PPP6R2: variants seen among roughly 807,000 people sequenced by gnomAD.
PPP6R2 encodes protein phosphatase 6 regulatory subunit 2.
PPP6R2 carries 62 observed loss-of-function variants against 100.2 expected under a neutral mutation model. That is an observed-to-expected ratio of 0.62 (90% confidence interval 0.50 to 0.76). The LOEUF (loss-of-function observed/expected upper bound fraction) is 0.76, where lower values mean the gene tolerates loss of function less well. Ranked by LOEUF, PPP6R2 falls within the 30% of genes least tolerant of loss-of-function variation. The pLI is 0.00. For missense variants in PPP6R2, 1,142 were observed against 1,276.3 expected (o/e 0.89, Z 1.60); for synonymous variants, 525 against 514.7 (o/e 1.02, Z -0.27).
chr22:50,341,259 G>T (rs370298570), upstream of PPP6R2, among the ~76,000 whole-genome samples: 1 of 151,826 alleles, frequency 6.6e-6, no homozygotes, highest in African/African-American at 2.4e-5. Flanking sequence ...GGGCTGGAAT[G>T]AAGTGGCAAC....
intron 1 of PPP6R2, among the ~76,000 whole-genome samples, chr22:50,349,223 G>T (rs1471959774): frequency 6.6e-6 from 1 of 150,684 alleles, no homozygotes; most frequent in Non-Finnish European, 1.5e-5. Flanking sequence ...AAAAAGTTGG[G>T]CATGGTGGTG....
intron 3 of PPP6R2, among the ~76,000 whole-genome samples, chr22:50,394,777 G>A (rs1213277700): frequency 6.6e-6 from 1 of 151,662 alleles, no homozygotes; most frequent in Non-Finnish European, 1.5e-5. Flanking sequence ...ATGGTGGCGG[G>A]CGCCCGTAGT....
rs374188250 is a variant in PPP6R2, at chr22:50,442,788, A to G, written c.2580-1078A>G. ...AGTATGGTCTCGATCTCCTGACCTC[A>G]TGATCCGCCTGCCTCGGCCTCCCAA... On this transcript the variant is annotated intron_variant, in intron 22 of 23. Coordinates refer to ENST00000612753, the MANE Select transcript of PPP6R2 (RefSeq NM_001242898.2). 8.8e-4 allele frequency among the ~76,000 whole-genome samples: 133 copies of G among 151,556 alleles called. 1 individual carries two copies. The highest frequency in any genetic ancestry group is 3.1e-3 in the African/African-American group (127 of 41,430).
At chr22:50,388,267 G>T (rs1185467603) in intron 2 of PPP6R2, among the ~76,000 whole-genome samples, 1 of 151,368 alleles carries the variant, frequency 6.6e-6, no homozygotes, top group African/African-American at 2.4e-5. Context: ...GGTGGCGCAT[G>T]CCTGTAGTCC....
At chr22:50,428,761 G>A (rs1435585026) in intron 10 of PPP6R2, among the ~76,000 whole-genome samples, 1 of 151,898 alleles carries the variant, frequency 6.6e-6, no homozygotes, top group African/African-American at 2.4e-5. Context: ...CATGTCATTT[G>A]GGAACAAAGA....
intron 6 of PPP6R2, among the ~76,000 whole-genome samples, chr22:50,418,130 A>G (rs1268684120): frequency 6.6e-6 from 1 of 152,206 alleles, no homozygotes; most frequent in Non-Finnish European, 1.5e-5. Context: ...AAAATATAGT[A>G]TCAGTAACAT....
At chr22:50,388,126 C>T (rs751339555) in intron 2 of PPP6R2, among the ~76,000 whole-genome samples, 2 of 151,392 alleles carry the variant, frequency 1.3e-5, no homozygotes, top group Admixed American at 6.6e-5. Flanking sequence ...TGTTCAAGAC[C>T]AGCCTGGGCA....
chr22:50,422,819 C>G (rs1056020414), intron 9 of PPP6R2, among the ~76,000 whole-genome samples: 2 of 152,194 alleles, frequency 1.3e-5, no homozygotes, highest in African/African-American at 4.8e-5. Flanking sequence ...CAGACACAAC[C>G]CGACCCCTGC....
intron 4 of PPP6R2, among the ~76,000 whole-genome samples, chr22:50,407,076 G>T (rs910461851): frequency 2.0e-5 from 3 of 152,274 alleles, no homozygotes; most frequent in Admixed American, 1.3e-4. Flanking sequence ...GCTGGGTGCG[G>T]TGGCTCAAGC....
intron 8 of PPP6R2, among the ~76,000 whole-genome samples, chr22:50,421,079 A>ACTCTCTTT (rs1019349290): frequency 6.6e-6 from 1 of 150,776 alleles, no homozygotes; most frequent in African/African-American, 2.4e-5. Context: ...GGTTGTTAGG[A>ACTCTCTTT]CTCTCTTTCT....
intron 8 of PPP6R2, among the ~76,000 whole-genome samples, chr22:50,420,657 C>T (rs527925358): frequency 6.6e-6 from 1 of 152,276 alleles, no homozygotes; most frequent in Admixed American, 6.5e-5. Flanking sequence ...GCCCATGAGG[C>T]GCAAATGGAA....
At position 50,347,093 on chromosome 22, in the gene PPP6R2, C is replaced by T. The variant is rs572623935; in HGVS notation, c.-148+3543C>T. 2.6e-5 allele frequency among the ~76,000 whole-genome samples: 4 copies of T among 152,176 alleles called. No homozygotes were observed. The East Asian group carries it at 7.7e-4, about 29-fold the overall frequency. On this transcript the variant is annotated intron_variant, in intron 1 of 23. Coordinates refer to ENST00000612753, the MANE Select transcript of PPP6R2 (RefSeq NM_001242898.2). ...CCTCATAAGTGTCTCCCTCATCCTG[C>T]CTGTTGTGGCCCTTCCGCTCTTTGC...
At chr22:50,409,776 G>C (rs905175437) in intron 4 of PPP6R2, among the ~76,000 whole-genome samples, 1 of 152,036 alleles carries the variant, frequency 6.6e-6, no homozygotes, top group South Asian at 2.1e-4. Flanking sequence ...GCCAAGGCTG[G>C]AGTGCAGTGG....
upstream of PPP6R2, among the ~76,000 whole-genome samples, chr22:50,338,913 AGTGTGTGTGGTATGTG>A (rs1275125544): frequency 2.8e-5 from 2 of 71,528 alleles, no homozygotes; most frequent in African/African-American, 4.5e-5. Context: ...TGTGTGTGGT[AGTGTGTGTGGTATGTG>A]GTGTGTGTGG....
chr22:50,438,614 T>C lies in PPP6R2; in HGVS notation c.1980T>C (p.His660=). The stretch of plus-strand genomic sequence containing the variant: ...TCTCCCCCAGGTTTGGAGCCCCCCA[T>C]GCTTCAGAGAGTTGCTCAAAGAATG... ...VMARPRFGAP[H]ASESCSKNGP... Residue 660 remains histidine, a synonymous_variant, in exon 19 of 24, where the codon CAT becomes CAC. Transcript: ENST00000612753. 6.2e-7 allele frequency: 1 copy of C among 1,613,846 alleles called. No individual in the cohort carries two copies.
In PPP6R2 at chr22:50,343,346, C is replaced by G. The variant is rs1255472215; in HGVS notation, c.-352C>G. The G allele has an allele frequency of 2.7e-5, 4 of 150,492 alleles. No individual in the cohort carries two copies. The highest frequency in any genetic ancestry group is 5.9e-5 in the Non-Finnish European group (4 of 67,322). 9.3% of individuals were successfully genotyped at this position (150,492 alleles called of 1,614,324 possible). A position where few individuals can be genotyped will look rare whatever the true frequency, so the allele number is the denominator to read the frequency against. ...GCCGCCGCCGCCATTTTGGAGCGAT[C>G]GGAGTGCCGCCCGCGGCCCCGAGTC... On this transcript the variant is annotated 5_prime_UTR_variant, in exon 1 of 24. In the 5' UTR this introduces an upstream ATG that the reference lacks. Coordinates refer to ENST00000612753, the MANE Select transcript of PPP6R2 (RefSeq NM_001242898.2).
Position 50,444,459 on chromosome 22 carries a change from GGA to G in PPP6R2, c.*213_*214del. The stretch of plus-strand genomic sequence containing the variant: ...CTCAGGTCACTCGTGCCCTGCTGGA[GGA>G]CAGAGGGGCACCTCAGCCGCCCCCA... On this transcript the variant is annotated 3_prime_UTR_variant, in exon 24 of 24. Coordinates refer to ENST00000612753, the MANE Select transcript of PPP6R2 (RefSeq NM_001242898.2). 1.7e-6 allele frequency: 1 copy of G among 581,238 alleles called. No individual in the cohort carries two copies. Among genetic ancestry groups the G allele is most frequent in the Non-Finnish European group, 2.8e-6 (1 of 351,382 alleles). 36.0% of individuals were successfully genotyped at this position (581,238 alleles called of 1,614,324 possible).
intron 2 of PPP6R2, chr22:50,393,549 A>C: frequency 1.1e-6 from 1 of 944,970 alleles, no homozygotes; most frequent in Non-Finnish European, 1.3e-6. Flanking sequence ...AGTGTGGGGA[A>C]GGAGGGCAAA....
rs576634956 is a variant in PPP6R2 at position 50,379,135 on chromosome 22, C to G, written c.-17+6985C>G. On this transcript the variant is annotated intron_variant, in intron 2 of 23. Coordinates refer to ENST00000612753, the MANE Select transcript of PPP6R2 (RefSeq NM_001242898.2). ...TAATTTTCTGTTGTTTATAAATTAC[C>G]CAGTCTAAGATATTTTGTTATAGCA... Among the ~76,000 whole-genome samples the G allele has an allele frequency of 3.3e-5, 5 of 152,130 alleles. No individual in the cohort carries two copies. In the Middle Eastern group the frequency reaches 0.01, roughly 310 times the overall value.
Sources: allele counts gnomAD v4.1 joint callset (sites outside exome capture counted in the v4.1 genomes callset), GRCh38; gene constraint gnomAD v4.1.1; transcripts MANE v1.5; gene names NCBI Gene and HGNC (gene_info 2026-07-23, HGNC 2026-07-21).